Variants in TESK2 observed in about 807,000 individuals in gnomAD.
TESK2 encodes the protein dual specificity testis-specific protein kinase 2.
A neutral mutation model predicts 57.1 loss-of-function variants in TESK2; 39 were observed. The ratio of observed to expected loss-of-function variants is 0.68; its 90% CI spans 0.53 to 0.89. The LOEUF (loss-of-function observed/expected upper bound fraction) is 0.89. Ranked by LOEUF, TESK2 falls within the 40% of genes least tolerant of loss-of-function variation. The probability of loss-of-function intolerance (pLI) is 0.00; values close to 1 mark genes in which losing one functional copy is unlikely to be tolerated. For synonymous variants in TESK2, 249 were observed against 267.9 expected, an observed-to-expected ratio of 0.93 and a Z score of 0.69; for missense variants, 646 against 732.1, an observed-to-expected ratio of 0.88 and a Z score of 1.36.
At chr1:45,415,064 C>G (rs1338697351) in intron 3 of TESK2, 1 of 1,306,728 alleles carries the variant, frequency 7.7e-7, no homozygotes, top group African/African-American at 1.5e-5. Context: ...AGTCAAACAG[C>G]GAGCCCTTGG....
chr1:45,476,724 G>A (rs552994132), intron 1 of TESK2, among the ~76,000 whole-genome samples: 5 of 152,036 alleles, frequency 3.3e-5, no homozygotes, highest in Non-Finnish European at 7.4e-5. Flanking sequence ...GCACACGCCT[G>A]TAGTCCCAGC....
At chr1:45,347,337 G>C (rs554251212) in intron 7 of TESK2, among the ~76,000 whole-genome samples, 3 of 152,210 alleles carry the variant, frequency 2.0e-5, no homozygotes, top group African/African-American at 7.2e-5. Context: ...AGGCCGAGGT[G>C]GGCAGATCAC....
rs561683216 is a variant in TESK2, at chr1:45,415,559, A to G, written c.344+6166T>C. 2.6e-5 allele frequency among the ~76,000 whole-genome samples: 4 copies of G among 152,298 alleles called. No homozygotes were observed. In the East Asian group the frequency reaches 7.7e-4, roughly 29 times the overall value. ...AAATAAAAACTAAATAACAACAACA[A>G]CAACAACAACAAAGGCTATAATAGG... On this transcript the variant is annotated intron_variant, in intron 3 of 10. Transcript: ENST00000372086.
At chr1:45,350,869 T>C (rs1165720127) in intron 5 of TESK2, among the ~76,000 whole-genome samples, 1 of 152,222 alleles carries the variant, frequency 6.6e-6, no homozygotes, top group African/African-American at 2.4e-5. Context: ...AAATTAACTT[T>C]AGGGTACACT....
chr1:45,483,736 G>T (rs1003447784), intron 1 of TESK2, among the ~76,000 whole-genome samples: 2 of 152,066 alleles, frequency 1.3e-5, no homozygotes, highest in Admixed American at 6.6e-5. Flanking sequence ...AGTGGCTCAT[G>T]CCAGTAATTC....
chr1:45,466,855 C>T (rs1652574691), intron 1 of TESK2, among the ~76,000 whole-genome samples: 1 of 151,608 alleles, frequency 6.6e-6, no homozygotes, highest in Admixed American at 6.6e-5. Context: ...AAAACAGTGC[C>T]TACATTTTAT....
At chr1:45,356,046 T>A (rs1050531772) in intron 4 of TESK2, among the ~76,000 whole-genome samples, 1 of 152,142 alleles carries the variant, frequency 6.6e-6, no homozygotes, top group African/African-American at 2.4e-5. Context: ...GAAAATATTA[T>A]TTTAGCCATG....
chr1:45,391,072 C>T (rs1649118354), intron 3 of TESK2, among the ~76,000 whole-genome samples: 3 of 151,960 alleles, frequency 2.0e-5, no homozygotes, highest in Admixed American at 6.6e-5. Flanking sequence ...CGCATGCCAC[C>T]ACACCCAGCT....
chr1:45,403,096 C>T (rs1038060656), intron 3 of TESK2, among the ~76,000 whole-genome samples: 4 of 151,744 alleles, frequency 2.6e-5, no homozygotes, highest in African/African-American at 7.3e-5. Context: ...TCAGCCTGGG[C>T]AACATAGGGA....
chr1:45,353,188 A>C (rs1647282469), intron 5 of TESK2, among the ~76,000 whole-genome samples: 1 of 152,214 alleles, frequency 6.6e-6, no homozygotes, highest in African/African-American at 2.4e-5. Flanking sequence ...GTGAGCCACC[A>C]TGCCCGGCCT....
intron 1 of TESK2, among the ~76,000 whole-genome samples, chr1:45,463,562 A>G (rs187619419): frequency 6.6e-6 from 1 of 151,980 alleles, no homozygotes; most frequent in Admixed American, 6.6e-5. Flanking sequence ...ATTCTGTTCC[A>G]TCAGTCTGTG....
At chr1:45,478,199 A>G (rs916001794) in intron 1 of TESK2, among the ~76,000 whole-genome samples, 1 of 152,176 alleles carries the variant, frequency 6.6e-6, no homozygotes, top group Non-Finnish European at 1.5e-5. Flanking sequence ...TGCATGTAAT[A>G]TTCTTTCTCC....
intron 3 of TESK2, among the ~76,000 whole-genome samples, chr1:45,392,931 C>T (rs1649208764): frequency 6.6e-6 from 1 of 152,106 alleles, no homozygotes; most frequent in South Asian, 2.1e-4. Flanking sequence ...GCTAAACACA[C>T]ATTTATTGAA....
rs188131036 is a variant in TESK2 at position 45,362,671 on chromosome 1, A to G, written c.394-7222T>C. On this transcript the variant is annotated intron_variant, in intron 4 of 10. Transcript: ENST00000372086. ...GGCCAGGAGTTAGGGCATTTACCCA[A>G]AGAAGATAACTGTGCTGTCATCTAA... Among the ~76,000 whole-genome samples, 33 of 152,306 alleles carry G rather than the reference A, an allele frequency of 2.2e-4. 1 individual carries two copies. The highest frequency in any genetic ancestry group is 7.9e-4 in the African/African-American group (33 of 41,568).
At chr1:45,422,778 T>TTGTTGTTG (rs1557567069) in intron 2 of TESK2, among the ~76,000 whole-genome samples, 1 of 151,270 alleles carries the variant, frequency 6.6e-6, no homozygotes, top group East Asian at 1.9e-4. Flanking sequence ...GTTGTTGTTG[T>TTGTTGTTG]TTTTGTTTTG....
rs1317180802 is a variant in TESK2, at chr1:45,485,417, G to C, written c.-87+5435C>G. The stretch of plus-strand genomic sequence containing the variant: ...TTAGTCAGGATGGTCTAGATCTCCG[G>C]ACCTCGTGATCCGCCCGCCTCGGCC... On this transcript the variant is annotated intron_variant, in intron 1 of 10. Transcript: ENST00000372086. Among the ~76,000 whole-genome samples, 3 of 152,136 alleles carry C rather than the reference G, an allele frequency of 2.0e-5. No individual in the cohort carries two copies. In the East Asian group the frequency reaches 5.8e-4, roughly 29 times the overall value.
intron 3 of TESK2, among the ~76,000 whole-genome samples, chr1:45,390,983 T>C (rs2149276606): frequency 6.6e-6 from 1 of 151,264 alleles, no homozygotes; most frequent in East Asian, 1.9e-4. Flanking sequence ...AGTGGCGCGA[T>C]CTCGGCTCAC....
Position 45,456,657 on chromosome 1 carries a change from G to T in TESK2, c.222+907C>A, listed in dbSNP as rs555318780. Among the ~76,000 whole-genome samples the T allele has an allele frequency of 3.3e-5, 5 of 152,208 alleles. No individual in the cohort carries two copies. The East Asian group carries it at 9.6e-4, about 29-fold the overall frequency. ...AAAATACAATGTAGAAAAGAGAGGG[G>T]AGAATTTCTTAGGCAATGCCTATTA... is the stretch of plus-strand genomic sequence containing the variant. On this transcript the variant is annotated intron_variant, in intron 2 of 10. Transcript: ENST00000372086.
intron 1 of TESK2, among the ~76,000 whole-genome samples, chr1:45,465,426 G>A (rs965509922): frequency 1.4e-5 from 2 of 147,856 alleles, no homozygotes; most frequent in South Asian, 4.3e-4. Flanking sequence ...GAGAGAGAGA[G>A]AGAGAGAGAG....
Sources: allele counts gnomAD v4.1 joint callset (sites outside exome capture counted in the v4.1 genomes callset), GRCh38; gene constraint gnomAD v4.1.1; transcripts MANE v1.5; gene names NCBI Gene and HGNC (gene_info 2026-07-23, HGNC 2026-07-21).